Variants in RAB31 observed in about 807,000 individuals in gnomAD.
RAB31 encodes RAB31, member RAS oncogene family.
A neutral mutation model predicts 25.6 loss-of-function variants in RAB31; 21 were observed. The ratio of observed to expected loss-of-function variants is 0.82; its 90% CI spans 0.58 to 1.18. The LOEUF is 1.18. RAB31 is among the 50% of genes most tolerant of loss of function. RAB31 has a pLI of 0.00. For missense variants in RAB31, 196 were observed against 250.1 expected, an observed-to-expected ratio of 0.78 and a Z score of 1.46; for synonymous variants, 87 against 84.0, an observed-to-expected ratio of 1.04 and a Z score of -0.20.
chr18:9,770,522 A>G (rs1003457498), intron 1 of RAB31, among the ~76,000 whole-genome samples: 2 of 152,218 alleles, frequency 1.3e-5, no homozygotes, highest in African/African-American at 2.4e-5. Context: ...GTTCTCAGAG[A>G]GGAATCTCAT....
chr18:9,790,850 T>C (rs568428845), intron 2 of RAB31, among the ~76,000 whole-genome samples: 1 of 152,364 alleles, frequency 6.6e-6, no homozygotes, highest in African/African-American at 2.4e-5. Flanking sequence ...TCATACCAGG[T>C]TGTCCCACTA....
intron 3 of RAB31, among the ~76,000 whole-genome samples, chr18:9,806,043 GGCA>G (rs2068539039): frequency 2.6e-5 from 4 of 152,156 alleles, no homozygotes; most frequent in Admixed American, 2.6e-4. Flanking sequence ...CAGGTGTGGT[GGCA>G]GGCATCTGTA....
intron 1 of RAB31, among the ~76,000 whole-genome samples, chr18:9,730,415 T>C (rs2068117166): frequency 6.6e-6 from 1 of 151,588 alleles, no homozygotes; most frequent in Admixed American, 6.6e-5. Flanking sequence ...GCCTCCCAAA[T>C]AGCTGGAATT....
At chr18:9,853,923 A>AT (rs1286705572) in intron 6 of RAB31, among the ~76,000 whole-genome samples, 4 of 149,270 alleles carry the variant, frequency 2.7e-5, no homozygotes, top group Admixed American at 1.3e-4. Flanking sequence ...AAGCCTAATG[A>AT]TTTTTTTTAA....
At chr18:9,729,384 G>A (rs1412055130) in intron 1 of RAB31, among the ~76,000 whole-genome samples, 8 of 151,916 alleles carry the variant, frequency 5.3e-5, no homozygotes, top group African/African-American at 1.7e-4. Context: ...AAAATTAGCC[G>A]GGCGTGGTGG....
chr18:9,854,593 A>T (rs1181115193), intron 6 of RAB31, among the ~76,000 whole-genome samples: 1 of 152,142 alleles, frequency 6.6e-6, no homozygotes, highest in Non-Finnish European at 1.5e-5. Flanking sequence ...CTGAGAATCC[A>T]TTCCGGTCCT....
chr18:9,760,923 G>C (rs2068285216), intron 1 of RAB31, among the ~76,000 whole-genome samples: 1 of 152,152 alleles, frequency 6.6e-6, no homozygotes, highest in African/African-American at 2.4e-5. Context: ...TTCACAGGGA[G>C]CTGTTTTAAT....
chr18:9,820,539 A>C (rs2068619716), intron 5 of RAB31, among the ~76,000 whole-genome samples: 1 of 151,750 alleles, frequency 6.6e-6, no homozygotes. Context: ...AAGTTTTCCC[A>C]CCTCCTCTGT....
At chr18:9,822,397 G>A (rs1365055222) in intron 5 of RAB31, among the ~76,000 whole-genome samples, 1 of 152,154 alleles carries the variant, frequency 6.6e-6, no homozygotes, top group Non-Finnish European at 1.5e-5. Context: ...TCTGGGGTTA[G>A]GCAAAGAGTT....
chr18:9,801,891 T>C (rs2068515767), intron 3 of RAB31, among the ~76,000 whole-genome samples: 2 of 152,258 alleles, frequency 1.3e-5, no homozygotes, highest in African/African-American at 2.4e-5. Flanking sequence ...CTTCATTCCT[T>C]GCAGGCAGCT....
chr18:9,849,817 G>T (rs1018157921), intron 6 of RAB31, among the ~76,000 whole-genome samples: 7 of 152,192 alleles, frequency 4.6e-5, no homozygotes, highest in African/African-American at 1.7e-4. Context: ...AAATGTCGTG[G>T]TGCTTTTAAG....
Position 9,809,365 on chromosome 18 carries a change from T to C in RAB31, c.202-4655T>C, listed in dbSNP as rs567600474. Among the ~76,000 whole-genome samples the C allele has an allele frequency of 2.1e-3, 324 of 152,290 alleles. 2 individuals carry two copies. The highest frequency in any genetic ancestry group is 7.5e-3 in the African/African-American group (311 of 41,564). On this transcript the variant is annotated intron_variant, in intron 3 of 6. Transcript: ENST00000578921. The stretch of plus-strand genomic sequence containing the variant: ...CGCGAGGTCCCTAGATGTTAATAAA[T>C]ACTACTTGAAAAAAAGATTTTAAAA...
At chr18:9,764,365 A>C (rs1008565912) in intron 1 of RAB31, among the ~76,000 whole-genome samples, 5 of 152,228 alleles carry the variant, frequency 3.3e-5, no homozygotes, top group African/African-American at 1.2e-4. Flanking sequence ...GAATTCGTGC[A>C]TGCATTTGTG....
At chr18:9,763,842 A>G (rs957740282) in intron 1 of RAB31, among the ~76,000 whole-genome samples, 55 of 152,082 alleles carry the variant, frequency 3.6e-4, no homozygotes, top group Non-Finnish European at 6.6e-4. Context: ...CCTGTGGAAG[A>G]TTTACACTGA....
chr18:9,791,024 A>T (rs1449584773), intron 2 of RAB31, among the ~76,000 whole-genome samples: 1 of 152,238 alleles, frequency 6.6e-6, no homozygotes, highest in Non-Finnish European at 1.5e-5. Flanking sequence ...TGATCTACTG[A>T]GGCTTTAAAA....
In RAB31 at chr18:9,859,574, T is replaced by A; in HGVS notation, c.*249T>A. ...GTATGAAATGCACATGGAGGGGATG[T>A]AGTTGCATTTTTGCTAAAAAAAAAA... On this transcript the variant is annotated 3_prime_UTR_variant, in exon 7 of 7. Transcript: ENST00000578921. The A allele has an allele frequency of 2.8e-6, 1 of 351,178 alleles. No individual in the cohort carries two copies. The highest frequency in any genetic ancestry group is 5.0e-6 in the Non-Finnish European group (1 of 200,700). The allele number at this position is 351,178 out of a possible 1,614,324, so 21.8% of individuals were successfully genotyped here.
intron 2 of RAB31, among the ~76,000 whole-genome samples, chr18:9,780,174 C>A (rs1277623049): frequency 3.5e-4 from 47 of 134,126 alleles, no homozygotes; most frequent in African/African-American, 1.4e-3. Context: ...AAATACTGTT[C>A]CAAAAAAAAA....
intron 3 of RAB31, among the ~76,000 whole-genome samples, chr18:9,806,681 T>G (rs866941128): frequency 2.6e-5 from 4 of 152,130 alleles, no homozygotes; most frequent in African/African-American, 9.7e-5. Flanking sequence ...CAATTGGATT[T>G]ATATAGGAAG....
chr18:9,845,562 A>G lies in RAB31; in HGVS notation c.381-20A>G, dbSNP rs1037604580. Reference sequence around the variant, plus strand: ...ACAAACAAACATTCATTTCCTGTCTACATTTGACCTCTTTTCCAGGGAGGT... The same window carrying G: ...ACAAACAAACATTCATTTCCTGTCTGCATTTGACCTCTTTTCCAGGGAGGT... On this transcript the variant is annotated intron_variant, in intron 5 of 6. Coordinates refer to ENST00000578921, the MANE Select transcript of RAB31 (RefSeq NM_006868.4). The G allele has an allele frequency of 2.6e-6, 4 of 1,519,076 alleles. No homozygotes were observed. Among genetic ancestry groups the G allele is most frequent in the Admixed American group, 4.8e-5 (2 of 41,396 alleles). 94.1% of individuals were successfully genotyped at this position (1,519,076 alleles called of 1,614,324 possible). A position where few individuals can be genotyped will look rare whatever the true frequency, so the allele number is the denominator to read the frequency against.
Sources: gnomAD v4.1 joint callset for allele counts (sites outside exome capture counted in the v4.1 genomes callset) on GRCh38, gnomAD v4.1.1 for gene constraint, MANE v1.5 for transcripts, NCBI Gene and HGNC (gene_info 2026-07-23, HGNC 2026-07-21) for gene names.